Variants in HSD17B12 observed in about 807,000 individuals in gnomAD.
The protein encoded by HSD17B12 is hydroxysteroid 17-beta dehydrogenase 12, also known as very-long-chain 3-oxoacyl-CoA reductase.
In HSD17B12, 32 loss-of-function variants were observed where a neutral mutation model predicts 39.3. The observed-to-expected ratio is 0.81, with a 90% CI of 0.61 to 1.09. HSD17B12 has a LOEUF of 1.09. Ranked by LOEUF, HSD17B12 falls within the 50% of genes least tolerant of loss-of-function variation. The pLI is 0.00. For synonymous variants in HSD17B12, 150 were observed against 146.7 expected, an observed-to-expected ratio of 1.02 and a Z score of -0.16; for missense variants, 342 against 382.9, an observed-to-expected ratio of 0.89 and a Z score of 0.89.
chr11:43,670,494 T>G, the HSD17B12 span: 1 of 152,200 alleles, frequency 6.6e-6, no homozygotes, highest in Non-Finnish European at 1.5e-5. Flanking sequence ...TGGTTTTTGG[T>G]TCTTGAGTTA....
intron 4 of HSD17B12, among the ~76,000 whole-genome samples, chr11:43,803,083 A>T (rs1518814): frequency 0.66 from 99,580 of 152,026 alleles, 32,957 homozygotes; most frequent in East Asian, 0.75. Context: ...TATTTTACAC[A>T]TGGATTGTAA....
At chr11:43,732,917 G>A (rs1232017357) in intron 1 of HSD17B12, among the ~76,000 whole-genome samples, 1 of 152,180 alleles carries the variant, frequency 6.6e-6, no homozygotes, top group African/African-American at 2.4e-5. Flanking sequence ...AATTACAGAT[G>A]TGAGCCACAA....
intron 3 of HSD17B12, among the ~76,000 whole-genome samples, chr11:43,780,819 C>T (rs1460852841): frequency 6.6e-6 from 1 of 152,174 alleles, no homozygotes; most frequent in Non-Finnish European, 1.5e-5. Context: ...TCTTCCTGCA[C>T]CTTTCCCCAA....
chr11:43,748,961 A>G (rs1950441277), intron 1 of HSD17B12, among the ~76,000 whole-genome samples: 1 of 152,192 alleles, frequency 6.6e-6, no homozygotes, highest in African/African-American at 2.4e-5. Context: ...GAACTCTAAT[A>G]TGACCATTTT....
At chr11:43,590,198 T>TCACAAGTG in the HSD17B12 span, among the ~76,000 whole-genome samples, 1 of 152,132 alleles carries the variant, frequency 6.6e-6, no homozygotes, top group East Asian at 1.9e-4. Context: ...TGTCCCAATC[T>TCACAAGTG]TACCAAGATT....
chr11:43,826,294 A>G (rs1235057175), intron 6 of HSD17B12, among the ~76,000 whole-genome samples: 1 of 152,012 alleles, frequency 6.6e-6, no homozygotes, highest in African/African-American at 2.4e-5. Context: ...CGTGTTAGCC[A>G]GGATGGTCTC....
chr11:43,786,676 A>T (rs543588686), intron 3 of HSD17B12, among the ~76,000 whole-genome samples: 2 of 152,348 alleles, frequency 1.3e-5, no homozygotes, highest in South Asian at 4.1e-4. Flanking sequence ...GTTTGAGATT[A>T]TTTCAAAATT....
the HSD17B12 span, among the ~76,000 whole-genome samples, chr11:43,656,268 G>T: frequency 3.3e-5 from 5 of 151,950 alleles, no homozygotes; most frequent in African/African-American, 1.2e-4. Flanking sequence ...ATTTTTTATT[G>T]CATCTATTTG....
the HSD17B12 span, among the ~76,000 whole-genome samples, chr11:43,593,614 C>CT: frequency 6.6e-6 from 1 of 152,120 alleles, no homozygotes; most frequent in Non-Finnish European, 1.5e-5. Context: ...AAAGAACTGA[C>CT]TTTATCTTCG....
At chr11:43,733,363 T>TC (rs1950286839) in intron 1 of HSD17B12, among the ~76,000 whole-genome samples, 1 of 152,178 alleles carries the variant, frequency 6.6e-6, no homozygotes, top group Non-Finnish European at 1.5e-5. Context: ...TCTACCACCC[T>TC]CCTAGGGTTG....
At chr11:43,690,373 TATATATATATATATATATATATA>T (rs1949843709) in intron 1 of HSD17B12, among the ~76,000 whole-genome samples, 1 of 14,200 alleles carries the variant, frequency 7.0e-5, no homozygotes, top group Non-Finnish European at 1.1e-4. Context: ...TATATATATA[TATATATATATATATATATATATA>T]TATATATATT....
intron 1 of HSD17B12, among the ~76,000 whole-genome samples, chr11:43,737,108 G>T (rs995554147): frequency 1.3e-5 from 2 of 152,088 alleles, no homozygotes; most frequent in Non-Finnish European, 2.9e-5. Flanking sequence ...TGTTCGGGGG[G>T]AAAAAAGAGT....
At chr11:43,668,623 A>G in the HSD17B12 span, among the ~76,000 whole-genome samples, 1 of 152,180 alleles carries the variant, frequency 6.6e-6, no homozygotes, top group Non-Finnish European at 1.5e-5. Flanking sequence ...TGAAATAAAC[A>G]TAAATACTGT....
At chr11:43,682,732 A>C (rs1290973301) in intron 1 of HSD17B12, among the ~76,000 whole-genome samples, 1 of 152,088 alleles carries the variant, frequency 6.6e-6, no homozygotes, top group East Asian at 1.9e-4. Flanking sequence ...TATCAAGATA[A>C]AATTTGTAAT....
At chr11:43,711,047 C>T (rs1036464169) in intron 1 of HSD17B12, among the ~76,000 whole-genome samples, 2 of 152,216 alleles carry the variant, frequency 1.3e-5, no homozygotes, top group Admixed American at 6.5e-5. Flanking sequence ...CCCACCTTAG[C>T]TTCCCAAAGT....
chr11:43,771,659 G>C (rs1187241349), intron 3 of HSD17B12, among the ~76,000 whole-genome samples: 22 of 151,706 alleles, frequency 1.5e-4, no homozygotes, highest in Non-Finnish European at 1.2e-4. Flanking sequence ...TAGAGATAGG[G>C]CTTCACCATG....
chr11:43,616,797 TAAA>T, the HSD17B12 span, among the ~76,000 whole-genome samples: 4 of 59,722 alleles, frequency 6.7e-5, no homozygotes, highest in Non-Finnish European at 5.9e-5. Context: ...GTGCCCAAAC[TAAA>T]AAAAAAAAAA....
chr11:43,619,187 TATATATATATG>T, the HSD17B12 span, among the ~76,000 whole-genome samples: 1 of 72,946 alleles, frequency 1.4e-5, no homozygotes, highest in African/African-American at 5.0e-5. Context: ...ATATAAAATA[TATATATATATG>T]ATATATATAT....
chr11:43,748,698 G>T (rs897750531), intron 1 of HSD17B12, among the ~76,000 whole-genome samples: 1 of 152,120 alleles, frequency 6.6e-6, no homozygotes, highest in Admixed American at 6.6e-5. Context: ...TCTGTAATTA[G>T]GTTCTCCCAC....
Sources: allele counts gnomAD v4.1 joint callset (sites outside exome capture counted in the v4.1 genomes callset), GRCh38; gene constraint gnomAD v4.1.1; transcripts MANE v1.5; gene names NCBI Gene and HGNC (gene_info 2026-07-23, HGNC 2026-07-21).